The following NABP2 variants were observed in gnomAD, a reference collection of about 807,000 sequenced individuals.
NABP2 encodes SOSS complex subunit B1.
A neutral mutation model predicts 22.7 loss-of-function variants in NABP2; 7 were observed. The ratio of observed to expected loss-of-function variants is 0.31; its 90% CI spans 0.18 to 0.58. The LOEUF (loss-of-function observed/expected upper bound fraction) is 0.58. Ranked by LOEUF, NABP2 falls within the 20% of genes least tolerant of loss-of-function variation. The probability of loss-of-function intolerance (pLI) is 0.89; values close to 1 mark genes in which losing one functional copy is unlikely to be tolerated. For missense variants in NABP2, 188 were observed against 265.9 expected (o/e 0.71, Z 2.04); for synonymous variants, 107 against 99.2 (o/e 1.08, Z -0.47).
chr12:56,224,530 C>G lies in NABP2; in HGVS notation c.-24+89C>G, dbSNP rs926119252. 3 of 1,154,516 alleles carry G rather than the reference C, an allele frequency of 2.6e-6. No homozygotes were observed. The African/African-American group carries it at 4.7e-5, about 18-fold the overall frequency. The allele number at this position is 1,154,516 out of a possible 1,614,324, so 71.5% of individuals were successfully genotyped here. A position where few individuals can be genotyped will look rare whatever the true frequency, so the allele number is the denominator to read the frequency against. Reference sequence around the variant, plus strand: ...TCCGGAAGATCTGGCCAGTAAGATTCTACTCCCTGGCTGTGCACCGGGTTC... The same window carrying G: ...TCCGGAAGATCTGGCCAGTAAGATTGTACTCCCTGGCTGTGCACCGGGTTC... On this transcript the variant is annotated intron_variant, in intron 1 of 6. Coordinates refer to ENST00000267023, the MANE Select transcript of NABP2 (RefSeq NM_024068.4).
Position 56,224,393 on chromosome 12 carries a change from C to A in NABP2, c.-72C>A, listed in dbSNP as rs887732751. 4 of 990,982 alleles carry A rather than the reference C, an allele frequency of 4.0e-6. No individual in the cohort carries two copies. The African/African-American group carries it at 7.0e-5, about 17-fold the overall frequency. 61.4% of individuals were successfully genotyped at this position (990,982 alleles called of 1,614,324 possible). ...TCCGGCGGCAGCGGAGCCTGTGGCTCCCCCTGCGGGCTGCTCAGCGGCGTG... is the reference window on the plus strand; with the variant it reads ...TCCGGCGGCAGCGGAGCCTGTGGCTACCCCTGCGGGCTGCTCAGCGGCGTG... On this transcript the variant is annotated 5_prime_UTR_variant, in exon 1 of 7. Coordinates refer to ENST00000267023, the MANE Select transcript of NABP2 (RefSeq NM_024068.4).
At position 56,225,656 on chromosome 12, in the gene NABP2, T is replaced by C; in HGVS notation, c.251T>C (p.Leu84Pro). The C allele has an allele frequency of 6.2e-7, 1 of 1,614,176 alleles. No homozygotes were observed. Among genetic ancestry groups the C allele is most frequent in the Non-Finnish European group, 8.5e-7 (1 of 1,180,032 alleles). The change falls in exon 4 of 7, where the codon CTA becomes CCA. Residue 84 changes from leucine to proline, a missense_variant. Coordinates refer to ENST00000267023, the MANE Select transcript of NABP2 (RefSeq NM_024068.4). ...TCAGTTTTCAAAGGTTGTCTGACAC[T>C]ATATACTGGCCGTGGGGGTGATCTG... ...YASVFKGCLT[L>P]YTGRGGDLQK...
intron 6 of NABP2, among the ~76,000 whole-genome samples, chr12:56,228,212 AAAT>A (rs1290642589): frequency 6.6e-6 from 1 of 152,070 alleles, no homozygotes; most frequent in Admixed American, 6.6e-5. Flanking sequence ...AATAAATAAA[AAAT>A]AATAATAATC....
intron 2 of NABP2, 62 bp downstream of exon 2, chr12:56,224,997 T>G: frequency 8.1e-7 from 1 of 1,234,494 alleles, no homozygotes. Flanking sequence ...GGAAGAACGC[T>G]GTCTGCGTTC....
rs1472407721 is a variant in NABP2, at chr12:56,229,195, G to A, written c.618G>A (p.Arg206=). The change falls in exon 7 of 7, where the codon CGG becomes CGA. Residue 206 remains arginine (R), a synonymous_variant. Transcript: ENST00000267023. ...SNPVSNGKET[R]RSSKR ...CTGTTAGTAACGGCAAAGAAACCCG[G>A]AGGAGCAGCAAGAGATAGCATGACA... 6.3e-7 allele frequency: 1 copy of A among 1,599,456 alleles called. No individual in the cohort carries two copies.
Position 56,224,827 on chromosome 12 carries a change from C to A in NABP2, c.-23-7C>A, listed in dbSNP as rs745737165. 5 of 1,610,386 alleles carry A rather than the reference C, an allele frequency of 3.1e-6. No homozygotes were observed. The Admixed American group carries it at 8.3e-5, about 27-fold the overall frequency. The stretch of plus-strand genomic sequence containing the variant: ...CATTGAGCCTTCATCCTCTATTCCC[C>A]ATCCAGTGGGGTGCCGAGGCTCAGG... On this transcript the variant is annotated splice_polypyrimidine_tract_variant and splice_region_variant and intron_variant, in intron 1 of 6. Transcript: ENST00000267023.
chr12:56,229,087 T>TTGCGGCCC lies in NABP2; in HGVS notation c.510_511insTGCGGCCC (p.Pro171CysfsTer65). The TTGCGGCCC allele has an allele frequency of 1.3e-6, 2 of 1,512,342 alleles. No homozygotes were observed. The highest frequency in any genetic ancestry group is 1.8e-6 in the Non-Finnish European group (2 of 1,102,010). 93.7% of individuals were successfully genotyped at this position (1,512,342 alleles called of 1,614,324 possible). On this transcript the variant is annotated frameshift_variant, in exon 7 of 7. Coordinates refer to ENST00000267023, the MANE Select transcript of NABP2 (RefSeq NM_024068.4). LOFTEE classifies it high-confidence loss of function. ...GTGGTGGCCCACATCCCCCTCATAC[T>TTGCGGCCC]CCCTCCCACCCACCCAGCACCCGAA...
At chr12:56,224,688 G>A (rs1007124701) in intron 1 of NABP2, 146 bp from the exon 2 acceptor site, 5 of 891,594 alleles carry the variant, frequency 5.6e-6, no homozygotes, top group Non-Finnish European at 8.2e-6. Context: ...GGAGGCCTCC[G>A]GGGATGTTCT....
At chr12:56,227,014 G>A (rs1176892511) in intron 6 of NABP2, among the ~76,000 whole-genome samples, 2 of 146,770 alleles carry the variant, frequency 1.4e-5, no homozygotes, top group African/African-American at 5.0e-5. Context: ...GTGAGCCACC[G>A]CGCCCAGCCA....
intron 1 of NABP2, 143 bp from the exon 2 acceptor site, chr12:56,224,691 G>T (rs1234672730): frequency 1.1e-6 from 1 of 897,344 alleles, no homozygotes; most frequent in Non-Finnish European, 1.6e-6. Context: ...GGCCTCCGGG[G>T]ATGTTCTTTT....
chr12:56,229,392 T>C lies in NABP2; in HGVS notation c.*179T>C, dbSNP rs1870001936. ...TCCCTCATTGTCCAGCTGAACTACCTGTCCCCTGGGAGTCAGGACCCTCTG... is the reference window on the plus strand; with the variant it reads ...TCCCTCATTGTCCAGCTGAACTACCCGTCCCCTGGGAGTCAGGACCCTCTG... On this transcript the variant is annotated 3_prime_UTR_variant, in exon 7 of 7. Coordinates refer to ENST00000267023, the MANE Select transcript of NABP2 (RefSeq NM_024068.4). The C allele has an allele frequency of 1.5e-6, 1 of 653,680 alleles. No individual in the cohort carries two copies. Among genetic ancestry groups the C allele is most frequent in the Admixed American group, 2.8e-5 (1 of 36,324 alleles). 40.5% of individuals were successfully genotyped at this position (653,680 alleles called of 1,614,324 possible). A position where few individuals can be genotyped will look rare whatever the true frequency, so the allele number is the denominator to read the frequency against.
Position 56,225,401 on chromosome 12 carries a change from T to C in NABP2, c.108T>C (p.His36=). The change falls in exon 3 of 7, where the codon CAT becomes CAC. Residue 36 remains histidine, a synonymous_variant. Coordinates refer to ENST00000267023, the MANE Select transcript of NABP2 (RefSeq NM_024068.4). The stretch of plus-strand genomic sequence containing the variant: ...GAGTGACCAAGACAAAGGACGGGCA[T>C]GAGGTTCGGACCTGCAAAGTGGCGG... ...TGRVTKTKDG[H]EVRTCKVADK... is the part of the protein sequence containing the mutation. 1.2e-6 allele frequency: 2 copies of C among 1,614,174 alleles called. No homozygotes were observed. Among genetic ancestry groups the C allele is most frequent in the Non-Finnish European group, 1.7e-6 (2 of 1,180,028 alleles).
At position 56,229,396 on chromosome 12, in the gene NABP2, C is replaced by G; in HGVS notation, c.*183C>G. 1.6e-6 allele frequency: 1 copy of G among 641,964 alleles called. No homozygotes were observed. The highest frequency in any genetic ancestry group is 2.7e-6 in the Non-Finnish European group (1 of 372,996). The allele number at this position is 641,964 out of a possible 1,614,324, so 39.8% of individuals were successfully genotyped here. A position where few individuals can be genotyped will look rare whatever the true frequency, so the allele number is the denominator to read the frequency against. ...TCATTGTCCAGCTGAACTACCTGTCCCCTGGGAGTCAGGACCCTCTGCCTG... is the reference window on the plus strand; with the variant it reads ...TCATTGTCCAGCTGAACTACCTGTCGCCTGGGAGTCAGGACCCTCTGCCTG... On this transcript the variant is annotated 3_prime_UTR_variant, in exon 7 of 7. Coordinates refer to ENST00000267023, the MANE Select transcript of NABP2 (RefSeq NM_024068.4).
At chr12:56,222,984 C>G (rs920379736), upstream of NABP2, among the ~76,000 whole-genome samples, 2 of 152,012 alleles carry the variant, frequency 1.3e-5, no homozygotes, top group Admixed American at 6.6e-5. Context: ...GCCTTTAATC[C>G]CAACACTTTG....
intron 6 of NABP2, 83 bp downstream of exon 6, chr12:56,226,502 T>C: frequency 8.1e-7 from 1 of 1,230,970 alleles, no homozygotes; most frequent in Admixed American, 1.7e-5. Flanking sequence ...CCTCATTCCT[T>C]TTCCAAATCT....
intron 4 of NABP2, 41 bp from the exon 5 acceptor site, chr12:56,226,138 G>T (rs776740457): frequency 1.5e-5 from 24 of 1,594,900 alleles, no homozygotes; most frequent in Non-Finnish European, 2.1e-5. Flanking sequence ...CAGTGGCCCA[G>T]AGGATGAATT....
At chr12:56,227,596 G>A (rs546735550) in intron 6 of NABP2, among the ~76,000 whole-genome samples, 205 of 152,296 alleles carry the variant, frequency 1.3e-3, no homozygotes, top group African/African-American at 4.8e-3. Context: ...TTCAATGACA[G>A]TGGTATGTCC....
At position 56,229,373 on chromosome 12, in the gene NABP2, A is replaced by C; in HGVS notation, c.*160A>C. ...ATCCACCCTAATCTCATACTCCCTC[A>C]TTGTCCAGCTGAACTACCTGTCCCC... On this transcript the variant is annotated 3_prime_UTR_variant, in exon 7 of 7. Coordinates refer to ENST00000267023, the MANE Select transcript of NABP2 (RefSeq NM_024068.4). 1 of 709,358 alleles carries C rather than the reference A, an allele frequency of 1.4e-6. No individual in the cohort carries two copies. The highest frequency in any genetic ancestry group is 2.7e-5 in the East Asian group (1 of 36,670). The allele number at this position is 709,358 out of a possible 1,614,324, so 43.9% of individuals were successfully genotyped here. A position where few individuals can be genotyped will look rare whatever the true frequency, so the allele number is the denominator to read the frequency against.
In NABP2 at chr12:56,228,995, C is replaced by T. The variant is rs1268854861; in HGVS notation, c.437-19C>T. 1 of 1,603,958 alleles carries T rather than the reference C, an allele frequency of 6.2e-7. No individual in the cohort carries two copies. The highest frequency in any genetic ancestry group is 1.3e-5 in the African/African-American group (1 of 74,686). On this transcript the variant is annotated intron_variant, in intron 6 of 6. Transcript: ENST00000267023. ...CCTATGTTAACTAATTCCTTTGTTT[C>T]TTCTCCTCCCACAATTAGCCTCTGA...
Sources: gnomAD v4.1 joint callset for allele counts (sites outside exome capture counted in the v4.1 genomes callset) on GRCh38, gnomAD v4.1.1 for gene constraint, MANE v1.5 for transcripts, NCBI Gene and HGNC (gene_info 2026-07-23, HGNC 2026-07-21) for gene names.